RRM2: variants seen among roughly 807,000 people sequenced by gnomAD.
RRM2 encodes ribonucleotide reductase regulatory subunit M2.
In RRM2, 6 loss-of-function variants were observed where a neutral mutation model predicts 45.9. The observed-to-expected ratio is 0.13, with a 90% CI of 0.07 to 0.26. The LOEUF (loss-of-function observed/expected upper bound fraction) is 0.26, where lower values mean the gene tolerates loss of function less well. Ranked by LOEUF, RRM2 falls within the 10% of genes least tolerant of loss-of-function variation. RRM2 has a pLI of 1.00. For synonymous variants in RRM2, 177 were observed against 173.0 expected, an observed-to-expected ratio of 1.02 and a Z score of -0.18; for missense variants, 343 against 489.5, an observed-to-expected ratio of 0.70 and a Z score of 2.82.
At chr2:10,124,666 T>TG in intron 4 of RRM2, 51 bp from the exon 5 acceptor site, 1 of 1,608,046 alleles carries the variant, frequency 6.2e-7, no homozygotes, top group Non-Finnish European at 8.5e-7. Flanking sequence ...CGTTGACAGT[T>TG]GCTGCTGTTG....
At chr2:10,142,526 C>T (rs1438650226) in intron 3 of RRM2, 3 of 752,702 alleles carry the variant, frequency 4.0e-6, no homozygotes, top group South Asian at 1.5e-5. Flanking sequence ...CAGCCTCTGC[C>T]GTTCTACGTG....
intron 3 of RRM2, among the ~76,000 whole-genome samples, chr2:10,142,533 C>T (rs954254093): frequency 5.9e-5 from 5 of 85,160 alleles, no homozygotes; most frequent in African/African-American, 2.0e-4. Context: ...TGCCGTTCTA[C>T]GTGTGGCCAG....
intron 3 of RRM2, among the ~76,000 whole-genome samples, chr2:10,158,846 C>G (rs1008405660): frequency 6.6e-6 from 1 of 152,060 alleles, no homozygotes; most frequent in Non-Finnish European, 1.5e-5. Context: ...CCCGGGAGCT[C>G]GGGGTTGGTC....
rs551086216 is a variant in RRM2, at chr2:10,171,659, G to A, written n.482+29284G>A. Among the ~76,000 whole-genome samples the A allele has an allele frequency of 5.3e-5, 8 of 152,294 alleles. No individual in the cohort carries two copies. In the South Asian group the frequency reaches 8.3e-4, roughly 16 times the overall value. On this transcript the variant is annotated intron_variant and non_coding_transcript_variant, in intron 3 of 3. Coordinates refer to the RRM2 transcript ENST00000381786. The surrounding 1 kb of genome is among the most constrained non-coding windows in gnomAD (Gnocchi z 4.1). ...CTGTCCTGAGCATCTGGGTCAGGAC[G>A]ACACGGATGCCACCCCAGGACCCCT...
rs375088721 is a variant in RRM2 at position 10,158,761 on chromosome 2, G to A, written n.482+16386G>A. Among the ~76,000 whole-genome samples the A allele has an allele frequency of 1.4e-4, 21 of 152,188 alleles. 1 individual carries two copies. The highest frequency in any genetic ancestry group is 7.2e-4 in the Admixed American group (11 of 15,288). On this transcript the variant is annotated intron_variant and non_coding_transcript_variant, in intron 3 of 3. Coordinates refer to the RRM2 transcript ENST00000381786. The stretch of plus-strand genomic sequence containing the variant: ...CAAGCGGGAGACTGGCATGGGGGCC[G>A]GGGCCGTGCTCTGAGGAAGGCCTGG...
chr2:10,171,967 C>T lies in RRM2; in HGVS notation n.482+29592C>T, dbSNP rs969429779. On this transcript the variant is annotated intron_variant and non_coding_transcript_variant, in intron 3 of 3. Coordinates refer to the RRM2 transcript ENST00000381786. This position sits in a 1 kb window ranked among gnomAD's most constrained non-coding sequence, Gnocchi z 4.1. ...CCAGAGGCTGGGAAAACTTAGGAGACGGTGCTGCTTGTTTAGAAAACCGGG... is the reference window on the plus strand; with the variant it reads ...CCAGAGGCTGGGAAAACTTAGGAGATGGTGCTGCTTGTTTAGAAAACCGGG... 6.6e-6 allele frequency among the ~76,000 whole-genome samples: 1 copy of T among 152,046 alleles called. No individual in the cohort carries two copies. Among genetic ancestry groups the T allele is most frequent in the African/African-American group, 2.4e-5 (1 of 41,396 alleles).
chr2:10,168,931 CAACA>C (rs2125321563), intron 3 of RRM2, among the ~76,000 whole-genome samples: 2 of 152,234 alleles, frequency 1.3e-5, no homozygotes, highest in South Asian at 4.2e-4. Flanking sequence ...ATCTGTTATT[CAACA>C]AACACTGATC....
intron 3 of RRM2, among the ~76,000 whole-genome samples, chr2:10,190,273 TGGTGGTGGA>T (rs1194937623): frequency 2.7e-5 from 4 of 148,298 alleles, no homozygotes; most frequent in Admixed American, 1.3e-4. Context: ...ATGGTGGTGG[TGGTGGTGGA>T]GGTGATGGTG....
chr2:10,199,982 G>A (rs931137277), intron 3 of RRM2, among the ~76,000 whole-genome samples: 2 of 151,788 alleles, frequency 1.3e-5, no homozygotes, highest in Non-Finnish European at 2.9e-5. Context: ...ACAGGCATGT[G>A]CCACCATGCC....
At chr2:10,140,076 C>G (rs1005153894), upstream of RRM2, among the ~76,000 whole-genome samples, 12 of 151,750 alleles carry the variant, frequency 7.9e-5, no homozygotes, top group African/African-American at 1.2e-4. Context: ...GAGAAAGCCC[C>G]TCTCTACTAA....
At position 10,169,855 on chromosome 2, in the gene RRM2, G is replaced by C. The variant is rs1342582719; in HGVS notation, n.482+27480G>C. ...GAGCTGGCTTTGAACTTCTGCCCAC[G>C]CTGGAACTTGGGGAGAAGAGGGAGA... On this transcript the variant is annotated intron_variant and non_coding_transcript_variant, in intron 3 of 3. Coordinates refer to the RRM2 transcript ENST00000381786. This position sits in a 1 kb window ranked among gnomAD's most constrained non-coding sequence, Gnocchi z 5.1. Among the ~76,000 whole-genome samples the C allele has an allele frequency of 1.3e-5, 2 of 152,180 alleles. No individual in the cohort carries two copies. The highest frequency in any genetic ancestry group is 2.9e-5 in the Non-Finnish European group (2 of 68,030).
At chr2:10,168,459 T>C (rs1286294820) in intron 3 of RRM2, among the ~76,000 whole-genome samples, 2 of 152,130 alleles carry the variant, frequency 1.3e-5, no homozygotes, top group Admixed American at 1.3e-4. Flanking sequence ...TGCCTCTTCT[T>C]GAAGAGGGGG....
At chr2:10,180,631 T>C (rs1664026308) in intron 3 of RRM2, among the ~76,000 whole-genome samples, 1 of 152,192 alleles carries the variant, frequency 6.6e-6, no homozygotes, top group Non-Finnish European at 1.5e-5. Context: ...GCCTGGATGG[T>C]CCTTCTTTCT....
intron 3 of RRM2, among the ~76,000 whole-genome samples, chr2:10,181,065 C>T (rs147811860): frequency 6.6e-6 from 1 of 152,322 alleles, no homozygotes; most frequent in South Asian, 2.1e-4. Context: ...CCGCACCCAG[C>T]CCCCTGTGGC....
At position 10,129,574 on chromosome 2, in the gene RRM2, C is replaced by T. The variant is rs1662854627; in HGVS notation, c.*188C>T. 3.2e-6 allele frequency: 2 copies of T among 630,900 alleles called. No individual in the cohort carries two copies. Among genetic ancestry groups the T allele is most frequent in the Non-Finnish European group, 5.3e-6 (2 of 375,430 alleles). 39.1% of individuals were successfully genotyped at this position (630,900 alleles called of 1,614,324 possible). A position where few individuals can be genotyped will look rare whatever the true frequency, so the allele number is the denominator to read the frequency against. Reference sequence around the variant, plus strand: ...ATAGTGCTGGTAGTATCACCTTTTGCCAGAAGGCCTGGCTGGCTGTGACTT... The same window carrying T: ...ATAGTGCTGGTAGTATCACCTTTTGTCAGAAGGCCTGGCTGGCTGTGACTT... On this transcript the variant is annotated 3_prime_UTR_variant, in exon 10 of 10. Coordinates refer to ENST00000304567, the MANE Select transcript of RRM2 (RefSeq NM_001034.4). This position sits in a 1 kb window ranked among gnomAD's most constrained non-coding sequence, Gnocchi z 4.8.
intron 3 of RRM2, among the ~76,000 whole-genome samples, chr2:10,201,622 A>G (rs1196423901): frequency 3.9e-5 from 6 of 152,248 alleles, no homozygotes; most frequent in African/African-American, 1.4e-4. Flanking sequence ...CCAAAACAAG[A>G]CAACAATTGT....
In RRM2 at chr2:10,185,855, C is replaced by A. The variant is rs574519620; in HGVS notation, n.483-24456C>A. On this transcript the variant is annotated intron_variant and non_coding_transcript_variant, in intron 3 of 3. Coordinates refer to the RRM2 transcript ENST00000381786. The surrounding 1 kb of genome is among the most constrained non-coding windows in gnomAD (Gnocchi z 4.3). ...ATCTTCTGGGTGACCGAAGATGGGG[C>A]AGTGCAGCCCCTGCTGAGCTGACCC... 6.6e-6 allele frequency among the ~76,000 whole-genome samples: 1 copy of A among 152,224 alleles called. No homozygotes were observed. The highest frequency in any genetic ancestry group is 1.5e-5 in the Non-Finnish European group (1 of 68,016).
intron 3 of RRM2, among the ~76,000 whole-genome samples, chr2:10,152,547 A>G (rs1301645243): frequency 6.9e-6 from 1 of 145,722 alleles, no homozygotes; most frequent in Non-Finnish European, 1.5e-5. Flanking sequence ...CAGTGGTGTG[A>G]TCTTGGCTCA....
intron 3 of RRM2, among the ~76,000 whole-genome samples, chr2:10,177,780 T>TC (rs1663954113): frequency 6.7e-6 from 1 of 149,442 alleles, no homozygotes; most frequent in Admixed American, 6.7e-5. Context: ...CGCCATCACG[T>TC]CTGTTTAATT....
Sources: gnomAD v4.1 joint callset for allele counts (sites outside exome capture counted in the v4.1 genomes callset) on GRCh38, gnomAD v4.1.1 for gene constraint, Gnocchi (gnomAD v3.1) non-coding constraint, MANE v1.5 for transcripts, NCBI Gene and HGNC (gene_info 2026-07-23, HGNC 2026-07-21) for gene names.